Variants in GNA14 observed in about 807,000 individuals in gnomAD.
GNA14 encodes the protein G protein subunit alpha 14.
Under a neutral mutation model 42.0 loss-of-function variants are expected in GNA14, and 50 were observed. The ratio of observed to expected loss-of-function variants is 1.19; its 90% CI spans 0.95 to 1.51. The LOEUF is 1.51. Ranked by LOEUF, GNA14 falls within the 40% of genes most tolerant of loss-of-function variation. The probability of loss-of-function intolerance (pLI) is 0.00; values close to 1 mark genes in which losing one functional copy is unlikely to be tolerated. For synonymous variants in GNA14, 173 were observed against 163.1 expected (o/e 1.06, Z -0.46); for missense variants, 473 against 446.2 (o/e 1.06, Z -0.54).
chr9:77,469,937 T>C (rs1371346644), intron 2 of GNA14, among the ~76,000 whole-genome samples: 1 of 152,182 alleles, frequency 6.6e-6, no homozygotes, highest in Non-Finnish European at 1.5e-5. Flanking sequence ...TACATAATTT[T>C]GTAAAAAAGC....
intron 2 of GNA14, among the ~76,000 whole-genome samples, chr9:77,489,735 G>C (rs1364286095): frequency 1.3e-5 from 2 of 152,110 alleles, no homozygotes; most frequent in African/African-American, 4.8e-5. Context: ...GTCTGGAGTT[G>C]TTCATTTCTC....
At chr9:77,439,229 G>A (rs764617162) in intron 2 of GNA14, among the ~76,000 whole-genome samples, 2 of 152,212 alleles carry the variant, frequency 1.3e-5, no homozygotes, top group Admixed American at 1.3e-4. Flanking sequence ...AGGAAGGACA[G>A]GGAGGAATGA....
Position 77,515,187 on chromosome 9 carries a change from T to C in GNA14, c.309+13882A>G, listed in dbSNP as rs527782379. Among the ~76,000 whole-genome samples the C allele has an allele frequency of 1.2e-4, 18 of 152,304 alleles. No homozygotes were observed. In the South Asian group the frequency reaches 3.7e-3, roughly 32 times the overall value. ...AATGAGTTCTTCAGTGGATAGGCTT[T>C]TGGCAAACTGGCCTGCATCTATGTC... On this transcript the variant is annotated intron_variant, in intron 2 of 6. Coordinates refer to ENST00000341700, the MANE Select transcript of GNA14 (RefSeq NM_004297.4).
chr9:77,568,222 G>C (rs11145486), intron 1 of GNA14, among the ~76,000 whole-genome samples: 91,496 of 151,916 alleles, frequency 0.6, 28,138 homozygotes, highest in African/African-American at 0.72. Context: ...AGGCCGAGGT[G>C]GGGGGATCAC....
chr9:77,644,465 G>C (rs796279123), intron 1 of GNA14, among the ~76,000 whole-genome samples: 1 of 71,534 alleles, frequency 1.4e-5, no homozygotes, highest in Non-Finnish European at 2.5e-5. Flanking sequence ...AAAAAAAAAA[G>C]ACACAGGAAT....
chr9:77,480,865 T>C (rs972735283), intron 2 of GNA14, among the ~76,000 whole-genome samples: 1 of 152,236 alleles, frequency 6.6e-6, no homozygotes, highest in African/African-American at 2.4e-5. Flanking sequence ...CTGATGGTAG[T>C]TTGTATTTCT....
chr9:77,569,660 TCCC>T (rs1405708186), intron 1 of GNA14, among the ~76,000 whole-genome samples: 2 of 151,906 alleles, frequency 1.3e-5, no homozygotes, highest in Non-Finnish European at 2.9e-5. Flanking sequence ...CTTTGGTTTC[TCCC>T]CCGGGTTCAA....
At chr9:77,542,311 A>T (rs957456690) in intron 1 of GNA14, among the ~76,000 whole-genome samples, 1 of 152,188 alleles carries the variant, frequency 6.6e-6, no homozygotes, top group African/African-American at 2.4e-5. Context: ...AACAGTGTCA[A>T]TGGTGTCTGT....
chr9:77,569,071 T>C (rs996285339), intron 1 of GNA14, among the ~76,000 whole-genome samples: 1 of 152,062 alleles, frequency 6.6e-6, no homozygotes, highest in Non-Finnish European at 1.5e-5. Flanking sequence ...GTCCCATATG[T>C]GCCTTCTCTT....
rs201048510 is a variant in GNA14 at position 77,468,746 on chromosome 9, G to A, written c.310-34224C>T. On this transcript the variant is annotated intron_variant, in intron 2 of 6. Coordinates refer to ENST00000341700, the MANE Select transcript of GNA14 (RefSeq NM_004297.4). ...GCAACAAATCCTGGAGCCTTGTGAC[G>A]ATCATAAAATGGGAACATCTTTGTT... 1.7e-4 allele frequency among the ~76,000 whole-genome samples: 26 copies of A among 152,226 alleles called. No homozygotes were observed. The East Asian group carries it at 4.1e-3, about 24-fold the overall frequency.
chr9:77,479,304 G>T (rs967921129), intron 2 of GNA14, among the ~76,000 whole-genome samples: 1 of 152,102 alleles, frequency 6.6e-6, no homozygotes, highest in Non-Finnish European at 1.5e-5. Flanking sequence ...GCTTGTTTTT[G>T]TCAGGTTTGT....
intron 1 of GNA14, among the ~76,000 whole-genome samples, chr9:77,561,223 G>A (rs1822877887): frequency 6.6e-6 from 1 of 152,182 alleles, no homozygotes; most frequent in Admixed American, 6.5e-5. Context: ...AGGAAATAAG[G>A]ATGGCGTGTG....
intron 2 of GNA14, among the ~76,000 whole-genome samples, chr9:77,452,547 CAA>C (rs1418971367): frequency 1.9e-4 from 3 of 16,010 alleles, no homozygotes; most frequent in African/African-American, 4.7e-4. Context: ...GAACTGCACA[CAA>C]GTGTGTGTGT....
chr9:77,572,603 AT>A (rs1823076613), intron 1 of GNA14, among the ~76,000 whole-genome samples: 1 of 141,266 alleles, frequency 7.1e-6, no homozygotes, highest in Non-Finnish European at 1.6e-5. Context: ...ACAATCTGCA[AT>A]TAGAAACTAA....
chr9:77,511,587 T>C (rs370381578), intron 2 of GNA14, among the ~76,000 whole-genome samples: 1 of 152,194 alleles, frequency 6.6e-6, no homozygotes, highest in African/African-American at 2.4e-5. Context: ...TCTGAACAGC[T>C]TGCAGGCGAA....
chr9:77,434,416 T>A lies in GNA14; in HGVS notation c.416A>T (p.Glu139Val), dbSNP rs146907693. ...KQLWQDPGIQ[E>V]CYDRRREYQL... ...GTACTCCCTCCTCCTGTCGTAACACTCCTGGATGCCTGGATCTTGCCAGAG... is the reference window on the plus strand; with the variant it reads ...GTACTCCCTCCTCCTGTCGTAACACACCTGGATGCCTGGATCTTGCCAGAG... Residue 139 changes from glutamate (E) to valine (V), a missense_variant, in exon 3 of 7, where the codon GAG (glutamate) becomes GTG (valine). By Grantham distance (121) the Glu-to-Val change is moderately radical. Coordinates refer to ENST00000341700, the MANE Select transcript of GNA14 (RefSeq NM_004297.4). The A allele has an allele frequency of 2.3e-5, 37 of 1,614,118 alleles. No homozygotes were observed. The African/African-American group carries it at 4.5e-4, about 20-fold the overall frequency.
At chr9:77,559,797 C>T (rs1006997554) in intron 1 of GNA14, among the ~76,000 whole-genome samples, 1 of 152,196 alleles carries the variant, frequency 6.6e-6, no homozygotes, top group Non-Finnish European at 1.5e-5. Flanking sequence ...AACAAATGGT[C>T]CTTCCATCCT....
intron 1 of GNA14, among the ~76,000 whole-genome samples, chr9:77,626,960 A>G (rs1048527637): frequency 3.3e-5 from 5 of 152,194 alleles, no homozygotes; most frequent in African/African-American, 1.2e-4. Flanking sequence ...GTTTTCTGAA[A>G]AGATTAACAA....
intron 2 of GNA14, among the ~76,000 whole-genome samples, chr9:77,444,590 C>T (rs1290490171): frequency 6.6e-6 from 1 of 152,204 alleles, no homozygotes; most frequent in African/African-American, 2.4e-5. Context: ...CCTTAACTGC[C>T]AGCCTGCTGA....
Sources: allele counts gnomAD v4.1 joint callset (sites outside exome capture counted in the v4.1 genomes callset), GRCh38; gene constraint gnomAD v4.1.1; transcripts MANE v1.5; gene names NCBI Gene and HGNC (gene_info 2026-07-23, HGNC 2026-07-21).